The following ZNF654 variants were observed in gnomAD, a reference collection of about 807,000 sequenced individuals.
The protein encoded by ZNF654 is zinc finger protein 654.
Under a neutral mutation model 95.3 loss-of-function variants are expected in ZNF654, and 19 were observed. The observed-to-expected ratio is 0.20, with a 90% CI of 0.14 to 0.29. The LOEUF is 0.29. ZNF654 is among the 10% of genes least tolerant of loss of function. ZNF654 has a pLI of 1.00. For missense variants in ZNF654, 1,046 were observed against 1,341.0 expected (o/e 0.78, Z 3.44); for synonymous variants, 413 against 457.9 (o/e 0.90, Z 1.25).
rs1224139727 is a variant in ZNF654 at position 88,135,222 on chromosome 3, C to T, written c.1035+20C>T. On this transcript the variant is annotated intron_variant, in intron 7 of 8. Transcript: ENST00000636215. ...GATGAGGTAAATAGGATATATTTGT[C>T]CCTTAAATTTAAAATTGAGTGACAG... is the stretch of plus-strand genomic sequence containing the variant. 12 of 1,410,302 alleles carry T rather than the reference C, an allele frequency of 8.5e-6. No homozygotes were observed. The highest frequency in any genetic ancestry group is 1.1e-5 in the Non-Finnish European group (12 of 1,086,264). 87.4% of individuals were successfully genotyped at this position (1,410,302 alleles called of 1,614,324 possible).
chr3:88,074,816 A>T (rs1346250211), intron 1 of ZNF654, among the ~76,000 whole-genome samples: 4 of 152,202 alleles, frequency 2.6e-5, no homozygotes, highest in African/African-American at 9.7e-5. Context: ...AGGACGATGG[A>T]TGCACAGAAA....
chr3:88,067,884 TTC>T (rs1320863497), intron 1 of ZNF654, among the ~76,000 whole-genome samples: 3 of 151,822 alleles, frequency 2.0e-5, no homozygotes, highest in African/African-American at 7.2e-5. Flanking sequence ...TTTCTTTTCT[TTC>T]TTTTTTTTTT....
At chr3:88,067,642 A>T (rs1576190146) in intron 1 of ZNF654, among the ~76,000 whole-genome samples, 1 of 152,300 alleles carries the variant, frequency 6.6e-6, no homozygotes, top group East Asian at 1.9e-4. Flanking sequence ...ATGTTTTAGG[A>T]TGGGGTGAAT....
Position 88,109,142 on chromosome 3 carries a change from AGTGTGTGTGTGT to A in ZNF654, c.333-3946_333-3935del, listed in dbSNP as rs35595112. On this transcript the variant is annotated intron_variant, in intron 2 of 8. Coordinates refer to ENST00000636215, the MANE Select transcript of ZNF654 (RefSeq NM_001350134.2). ...TATCCCCTGTGGATAAGTGGGCACT[AGTGTGTGTGTGT>A]GTGTGTGTGTGTGTGTGTGTGTGTG... Among the ~76,000 whole-genome samples the A allele has an allele frequency of 3.4e-3, 485 of 142,526 alleles. 2 individuals are homozygous for A. The highest frequency in any genetic ancestry group is 7.6e-3 in the Admixed American group (108 of 14,228). 93.5% of individuals were successfully genotyped at this position (142,526 alleles called of 152,430 possible).
chr3:88,109,851 CAT>C (rs1286635864), intron 2 of ZNF654, among the ~76,000 whole-genome samples: 1 of 151,932 alleles, frequency 6.6e-6, no homozygotes, highest in African/African-American at 2.4e-5. Context: ...ACATATTAAA[CAT>C]GTTCAACAGG....
chr3:88,068,308 C>A (rs4858985), intron 1 of ZNF654, among the ~76,000 whole-genome samples: 119,034 of 151,898 alleles, frequency 0.78, 47,549 homozygotes, highest in South Asian at 0.91. Context: ...AACTTTGAGA[C>A]AGAAAGGGAC....
Position 88,138,925 on chromosome 3 carries a change from A to G in ZNF654, c.1256A>G (p.Asp419Gly). The G allele has an allele frequency of 1.6e-6, 2 of 1,235,934 alleles. No individual in the cohort carries two copies. The highest frequency in any genetic ancestry group is 2.0e-6 in the Non-Finnish European group (2 of 990,774). The allele number at this position is 1,235,934 out of a possible 1,614,324, so 76.6% of individuals were successfully genotyped here. A position where few individuals can be genotyped will look rare whatever the true frequency, so the allele number is the denominator to read the frequency against. Residue 419 changes from aspartate (D) to glycine (G), a missense_variant, in exon 8 of 9, where the codon GAT (aspartate) becomes GGT (glycine). Transcript: ENST00000636215. ...GTTGAAGAGCTTTACAAACGTCCAG[A>G]TGAAGAATATAATGAAGGCACAAGT... ...RTVEELYKRP[D>G]EEYNEGTSSV...
At position 88,059,260 on chromosome 3, in the gene ZNF654, AG is replaced by A; in HGVS notation, c.-58del. The stretch of plus-strand genomic sequence containing the variant: ...CTAGAGAGGAGGAGGAGGTTAGCCT[AG>A]GCATCTACGGCGGCGGCGGCGGCGC... On this transcript the variant is annotated 5_prime_UTR_variant, in exon 1 of 9. Transcript: ENST00000636215. 6.5e-7 allele frequency: 1 copy of A among 1,531,232 alleles called. No individual in the cohort carries two copies. Among genetic ancestry groups the A allele is most frequent in the South Asian group, 1.2e-5 (1 of 83,632 alleles). 94.9% of individuals were successfully genotyped at this position (1,531,232 alleles called of 1,614,324 possible).
At chr3:88,080,103 G>T (rs1337529099) in intron 1 of ZNF654, among the ~76,000 whole-genome samples, 1 of 151,866 alleles carries the variant, frequency 6.6e-6, no homozygotes, top group Non-Finnish European at 1.5e-5. Flanking sequence ...TCAGGTATCT[G>T]TTCAGGCATG....
chr3:88,122,025 T>G (rs1705799213), intron 3 of ZNF654, among the ~76,000 whole-genome samples: 1 of 152,190 alleles, frequency 6.6e-6, no homozygotes, highest in African/African-American at 2.4e-5. Flanking sequence ...TAAGAAGATG[T>G]CAACACTTAA....
chr3:88,068,002 C>A (rs957567805), intron 1 of ZNF654, among the ~76,000 whole-genome samples: 5 of 151,764 alleles, frequency 3.3e-5, no homozygotes, highest in African/African-American at 1.2e-4. Flanking sequence ...TATTATAAGA[C>A]CCCTGAAGGG....
intron 1 of ZNF654, among the ~76,000 whole-genome samples, chr3:88,082,129 ATTT>A (rs780949287): frequency 7.1e-6 from 1 of 141,690 alleles, no homozygotes; most frequent in Non-Finnish European, 1.6e-5. Context: ...TTGTTAATCA[ATTT>A]TTTTTTTTTT....
At chr3:88,086,429 G>T in intron 2 of ZNF654, 27 bp downstream of exon 2, 1 of 1,440,224 alleles carries the variant, frequency 6.9e-7, no homozygotes, top group East Asian at 2.6e-5. Context: ...TCTTATAAAT[G>T]CATTATTTTT....
At chr3:88,116,499 G>GGGCAACAA (rs1316056338) in intron 3 of ZNF654, among the ~76,000 whole-genome samples, 1 of 151,602 alleles carries the variant, frequency 6.6e-6, no homozygotes, top group Non-Finnish European at 1.5e-5. Flanking sequence ...CATCCAGCCA[G>GGGCAACAA]GGCAACAAGA....
intron 2 of ZNF654, among the ~76,000 whole-genome samples, chr3:88,110,253 T>C (rs917391490): frequency 6.6e-6 from 1 of 152,130 alleles, no homozygotes; most frequent in Non-Finnish European, 1.5e-5. Context: ...GTAGTGGAGC[T>C]GAGATTCAAA....
chr3:88,125,577 C>T (rs1010278633), intron 3 of ZNF654, among the ~76,000 whole-genome samples: 3 of 151,960 alleles, frequency 2.0e-5, no homozygotes, highest in African/African-American at 7.2e-5. Flanking sequence ...TTTTTTTAAT[C>T]CCAGAACTGC....
intron 3 of ZNF654, among the ~76,000 whole-genome samples, chr3:88,118,591 C>T (rs1474769072): frequency 2.0e-5 from 3 of 152,148 alleles, no homozygotes; most frequent in African/African-American, 7.2e-5. Context: ...TGGCCCTTCT[C>T]TAGAGTACTT....
At chr3:88,111,227 C>T (rs1334948863) in intron 2 of ZNF654, among the ~76,000 whole-genome samples, 2 of 151,902 alleles carry the variant, frequency 1.3e-5, no homozygotes, top group Non-Finnish European at 2.9e-5. Context: ...TTGTTTTATA[C>T]TTATTAATAG....
intron 2 of ZNF654, among the ~76,000 whole-genome samples, chr3:88,106,339 T>C (rs1305775295): frequency 6.6e-6 from 1 of 152,190 alleles, no homozygotes; most frequent in Non-Finnish European, 1.5e-5. Context: ...TTTTCATTTA[T>C]CTTTTTGTTT....
Sources: gnomAD v4.1 joint callset for allele counts (sites outside exome capture counted in the v4.1 genomes callset) on GRCh38, gnomAD v4.1.1 for gene constraint, MANE v1.5 for transcripts, NCBI Gene and HGNC (gene_info 2026-07-23, HGNC 2026-07-21) for gene names.